Variants in RPL6 observed in about 807,000 individuals in gnomAD.
RPL6 encodes the protein ribosomal protein L6.
Under a neutral mutation model 32.1 loss-of-function variants are expected in RPL6, and 1 was observed. The observed-to-expected ratio is 0.03, with a 90% CI of 0.01 to 0.15. The LOEUF is 0.15. RPL6 is among the 10% of genes least tolerant of loss of function. The pLI, the probability that RPL6 is intolerant of heterozygous loss-of-function variation, is 1.00. For synonymous variants in RPL6, 126 were observed against 131.6 expected (o/e 0.96, Z 0.29); for missense variants, 275 against 354.6 (o/e 0.78, Z 1.80).
chr12:112,412,164 C>T (rs982316119), upstream of RPL6, among the ~76,000 whole-genome samples: 12 of 151,958 alleles, frequency 7.9e-5, no homozygotes, highest in African/African-American at 2.7e-4. Context: ...CTCAGCCTCC[C>T]GAGTAGCTGG....
upstream of RPL6, among the ~76,000 whole-genome samples, chr12:112,413,466 A>C (rs1311903832): frequency 6.6e-6 from 1 of 152,166 alleles, no homozygotes; most frequent in African/African-American, 2.4e-5. Flanking sequence ...TGAACCCGGA[A>C]GGCAGAGTTT....
intron 1 of RPL6, among the ~76,000 whole-genome samples, chr12:112,417,108 A>T (rs2037421504): frequency 6.6e-6 from 1 of 152,162 alleles, no homozygotes; most frequent in Admixed American, 6.6e-5. Context: ...CCCAGGCTGG[A>T]GCGCAGTGGT....
intron 1 of RPL6, chr12:112,409,258 C>T: frequency 2.6e-6 from 1 of 387,320 alleles, no homozygotes; most frequent in Non-Finnish European, 4.6e-6. Flanking sequence ...GTGTCATCCT[C>T]TGGAACCCAG....
intron 1 of RPL6, among the ~76,000 whole-genome samples, chr12:112,416,094 G>C (rs2037404458): frequency 6.7e-6 from 1 of 149,566 alleles, no homozygotes; most frequent in South Asian, 2.1e-4. Flanking sequence ...GAGTAGCTGG[G>C]ACTACAGGTG....
At chr12:112,409,840 G>T (rs750449905), upstream of RPL6, among the ~76,000 whole-genome samples, 4 of 150,432 alleles carry the variant, frequency 2.7e-5, no homozygotes, top group Non-Finnish European at 5.9e-5. Context: ...GTGAAATCCC[G>T]TCTCTACTAA....
chr12:112,408,146 G>T (rs1223111705), intron 3 of RPL6, 94 bp downstream of exon 3: 2 of 888,778 alleles, frequency 2.3e-6, no homozygotes, highest in African/African-American at 1.7e-5. Flanking sequence ...AAATTCTCCG[G>T]TATGCAGAAA....
chr12:112,405,742 C>T (rs2037141945), intron 6 of RPL6, 111 bp downstream of exon 6: 3 of 871,988 alleles, frequency 3.4e-6, no homozygotes, highest in Middle Eastern at 2.3e-4. Context: ...TATCTCCCAG[C>T]ATTCCTCATT....
chr12:112,408,596 C>A lies in RPL6; in HGVS notation c.61G>T (p.Val21Phe). The change falls in exon 2 of 7, where the codon GTT becomes TTT. Residue 21 changes from valine to phenylalanine, a missense_variant. Physicochemically the swap from Val to Phe is conservative, Grantham distance 50 (BLOSUM62 -1). Transcript: ENST00000202773. Reference protein sequence around the residue: ...TKEKKPEAKKVDAGGKVKKGN... With the variant: ...TKEKKPEAKKFDAGGKVKKGN... ...TTTTTCACCTTGCCACCAGCATCAA[C>A]CTTCTTGGCTTCGGGTTTCTTCTCT... The A allele has an allele frequency of 6.3e-7, 1 of 1,596,492 alleles. No homozygotes were observed. The highest frequency in any genetic ancestry group is 1.1e-5 in the South Asian group (1 of 89,860).
intron 1 of RPL6, chr12:112,409,209 G>C (rs1364536942): frequency 2.7e-6 from 1 of 363,720 alleles, no homozygotes; most frequent in Non-Finnish European, 4.9e-6. Flanking sequence ...AAACCTTTTG[G>C]CTTCAGTGCG....
At chr12:112,408,702 T>C in intron 1 of RPL6, 46 bp from the exon 2 acceptor site, 1 of 1,482,600 alleles carries the variant, frequency 6.7e-7, no homozygotes, top group Non-Finnish European at 9.0e-7. Flanking sequence ...TCACCAGTCA[T>C]CTCTCTAACA....
At chr12:112,406,124 C>T (rs930372903) in intron 5 of RPL6, 87 bp from the exon 6 acceptor site, 5 of 1,316,080 alleles carry the variant, frequency 3.8e-6, no homozygotes, top group African/African-American at 2.9e-5. Flanking sequence ...TATGTTGCTA[C>T]ACAAAGAAGA....
chr12:112,417,160 C>G (rs1441210481), intron 1 of RPL6, among the ~76,000 whole-genome samples: 2 of 152,148 alleles, frequency 1.3e-5, no homozygotes, highest in Non-Finnish European at 2.9e-5. Context: ...CCGGTTCAAG[C>G]AATTCTCCCA....
At chr12:112,410,354 A>C (rs995192931), upstream of RPL6, 3 of 285,248 alleles carry the variant, frequency 1.1e-5, no homozygotes, top group Admixed American at 1.1e-4. Flanking sequence ...CCTCTTGTAC[A>C]TGGCCTTTCT....
chr12:112,408,827 T>G, intron 1 of RPL6, 171 bp from the exon 2 acceptor site: 1 of 621,164 alleles, frequency 1.6e-6, no homozygotes, highest in Non-Finnish European at 2.8e-6. Flanking sequence ...ACCTTCACTA[T>G]GACTCATTTG....
At chr12:112,414,810 C>A (rs1406973463), upstream of RPL6, among the ~76,000 whole-genome samples, 1 of 151,512 alleles carries the variant, frequency 6.6e-6, no homozygotes, top group Non-Finnish European at 1.5e-5. Flanking sequence ...GAGGCTGAGG[C>A]AAGAGAATGG....
chr12:112,405,838 C>G lies in RPL6; in HGVS notation c.714+15G>C, dbSNP rs368988178. On this transcript the variant is annotated intron_variant, in intron 6 of 6. Transcript: ENST00000202773. ...GGGCCAGTGCTAACACAGGAGATGA[C>G]AAGTAGAAACTTACCTCTTTTTCTG... 2 of 1,602,666 alleles carry G rather than the reference C, an allele frequency of 1.2e-6. No homozygotes were observed. The highest frequency in any genetic ancestry group is 2.7e-5 in the African/African-American group (2 of 74,454).
chr12:112,406,443 C>T, intron 4 of RPL6, 101 bp from the exon 5 acceptor site: 1 of 1,060,692 alleles, frequency 9.4e-7, no homozygotes, highest in Non-Finnish European at 1.4e-6. Flanking sequence ...GAAATTTCTA[C>T]ATGTATATGT....
rs1449271832 is a variant in RPL6, at chr12:112,406,361, ATAAT to A, written c.481-23_481-20del. 7 of 1,607,266 alleles carry A rather than the reference ATAAT, an allele frequency of 4.4e-6. No homozygotes were observed. Among genetic ancestry groups the A allele is most frequent in the Non-Finnish European group, 6.0e-6 (7 of 1,174,704 alleles). ...CCACCCTCTGTAAGTTAAAAAGAAA[ATAAT>A]TAGTTTTCTGCAATTAAAAACTGAC... On this transcript the variant is annotated intron_variant, in intron 4 of 6. Transcript: ENST00000202773.
chr12:112,417,560 CTTTTTTTTTTT>C (rs1209085428), intron 1 of RPL6, among the ~76,000 whole-genome samples: 37 of 75,086 alleles, frequency 4.9e-4, no homozygotes, highest in African/African-American at 6.7e-4. Context: ...CCCGGCCCGG[CTTTTTTTTTTT>C]TTTTTTTTTT....
Sources: allele counts gnomAD v4.1 joint callset (sites outside exome capture counted in the v4.1 genomes callset), GRCh38; gene constraint gnomAD v4.1.1; transcripts MANE v1.5; gene names NCBI Gene and HGNC (gene_info 2026-07-23, HGNC 2026-07-21).